The following GREB1 variants were observed in gnomAD, a reference collection of about 807,000 sequenced individuals.
GREB1 encodes the protein growth regulating estrogen receptor binding 1, also known as protein GREB1.
A neutral mutation model predicts 200.7 loss-of-function variants in GREB1; 106 were observed. The ratio of observed to expected loss-of-function variants is 0.53; its 90% CI spans 0.45 to 0.62. GREB1 has a LOEUF of 0.62. Ranked by LOEUF, GREB1 falls within the 20% of genes least tolerant of loss-of-function variation. The pLI is 0.00. For synonymous variants in GREB1, 1,132 were observed against 1,092.4 expected, an observed-to-expected ratio of 1.04 and a Z score of -0.72; for missense variants, 2,243 against 2,556.8, an observed-to-expected ratio of 0.88 and a Z score of 2.65.
At chr2:11,557,621 G>A (rs1368467008) in intron 2 of GREB1, among the ~76,000 whole-genome samples, 8 of 152,220 alleles carry the variant, frequency 5.3e-5, no homozygotes, top group Admixed American at 5.2e-4. Flanking sequence ...GTGTGGAGGT[G>A]CTTGTCTTCA....
At chr2:11,531,505 AC>A (rs1227451925), upstream of GREB1, among the ~76,000 whole-genome samples, 7 of 152,224 alleles carry the variant, frequency 4.6e-5, no homozygotes, top group African/African-American at 1.7e-4. Flanking sequence ...ATGATTAGAA[AC>A]AAGAAAAAAA....
At chr2:11,501,980 G>A (rs1420041191) in intron 1 of GREB1, among the ~76,000 whole-genome samples, 8 of 126,910 alleles carry the variant, frequency 6.3e-5, no homozygotes, top group South Asian at 2.7e-4. Context: ...GCAATGGTGC[G>A]ATCTCGGCTC....
chr2:11,558,939 T>G (rs912990734), intron 2 of GREB1, among the ~76,000 whole-genome samples: 5 of 152,164 alleles, frequency 3.3e-5, no homozygotes, highest in Non-Finnish European at 1.5e-5. Context: ...TACCACCTCC[T>G]TTAGGGGAAA....
intron 1 of GREB1, among the ~76,000 whole-genome samples, chr2:11,490,610 G>A (rs140142789): frequency 0.01 from 1,590 of 152,268 alleles, 27 homozygotes; most frequent in African/African-American, 0.037. Flanking sequence ...GTGCAGTGGT[G>A]CCATCTCAGC....
Position 11,612,507 on chromosome 2 carries a change from A to C in GREB1, c.3019A>C (p.Ile1007Leu). The change falls in exon 19 of 33, where the codon ATT becomes CTT. Residue 1007 changes from isoleucine to leucine, a missense_variant. This residue lies in a region of GREB1 where 1,178 missense variants were observed against 1,387.4 expected (regional missense o/e 0.85). Transcript: ENST00000381486. ...TCGTTATCTGCAGATGTGGCAGAAA[A>C]TTGAGGATGTGGAGTGGAGACCCCA... Reference protein sequence around the residue: ...FVKQLRMWQKIEDVEWRPQTY... With the variant: ...FVKQLRMWQKLEDVEWRPQTY... 3 of 1,610,270 alleles carry C rather than the reference A, an allele frequency of 1.9e-6. No individual in the cohort carries two copies. Among genetic ancestry groups the C allele is most frequent in the Non-Finnish European group, 2.5e-6 (3 of 1,176,868 alleles).
intron 31 of GREB1, among the ~76,000 whole-genome samples, chr2:11,638,226 TG>T (rs1463938377): frequency 9.2e-5 from 14 of 152,210 alleles, no homozygotes; most frequent in Non-Finnish European, 1.9e-4. Context: ...CTGCAGTCTC[TG>T]CCTCCTGGGT....
intron 1 of GREB1, among the ~76,000 whole-genome samples, chr2:11,554,966 A>G (rs1180315490): frequency 6.6e-6 from 1 of 152,214 alleles, no homozygotes; most frequent in African/African-American, 2.4e-5. Flanking sequence ...TGTATAATTA[A>G]CGGATCAAAG....
intron 3 of GREB1, among the ~76,000 whole-genome samples, chr2:11,563,375 G>A (rs1176951289): frequency 6.6e-6 from 1 of 152,256 alleles, no homozygotes; most frequent in South Asian, 2.1e-4. Flanking sequence ...TCACTGTTGA[G>A]GAACAGAGGC....
intron 18 of GREB1, 99 bp from the exon 19 acceptor site, chr2:11,612,396 G>T: frequency 6.7e-7 from 1 of 1,487,222 alleles, no homozygotes; most frequent in Non-Finnish European, 9.0e-7. Context: ...TATAGTTCAA[G>T]GAGTTTAAAT....
chr2:11,623,628 C>A (rs200897735), intron 23 of GREB1, among the ~76,000 whole-genome samples: 2 of 152,194 alleles, frequency 1.3e-5, no homozygotes, highest in Admixed American at 1.3e-4. Context: ...TGGTGGCTCA[C>A]GCCTGTAATC....
rs1206031514 is a variant in GREB1, at chr2:11,631,996, G to A, written c.4699G>A (p.Gly1567Ser). The change falls in exon 27 of 33, where the codon GGT becomes AGT. Residue 1567 changes from glycine (G) to serine (S), a missense_variant. This residue lies in a region of GREB1 where 478 missense variants were observed against 616.3 expected (regional missense o/e 0.78). Transcript: ENST00000381486. ...CTTTAATCTGTACCACGCAATGGAC[G>A]GTGCCAGCCATTTGCACGTGCTGGT... ...GLFNLYHAMD[G>S]ASHLHVLVVK... The A allele has an allele frequency of 3.7e-6, 6 of 1,613,742 alleles. No homozygotes were observed. The highest frequency in any genetic ancestry group is 5.1e-6 in the Non-Finnish European group (6 of 1,179,676).
chr2:11,640,415 AGACCGGCCGCTCTTTTTTCTGACGGGAC>A lies in GREB1; in HGVS notation c.5815_5842del (p.Arg1939ThrfsTer67). The A allele has an allele frequency of 6.2e-7, 1 of 1,614,228 alleles. No homozygotes were observed. Among genetic ancestry groups the A allele is most frequent in the East Asian group, 2.2e-5 (1 of 44,890 alleles). ...AGTTCCAGACCGCCAATGCCAGGGA[AGACCGGCCGCTCTTTTTTCTGACGGGAC>A]GACACATCTGAGGAAGACAGCGGCG... On this transcript the variant is annotated frameshift_variant, in exon 33 of 33. Transcript: ENST00000381486. LOFTEE classifies it high-confidence loss of function. This position sits in a 1 kb window ranked among gnomAD's most constrained non-coding sequence, Gnocchi z 4.6.
At chr2:11,605,935 A>C (rs1682243051) in intron 17 of GREB1, among the ~76,000 whole-genome samples, 1 of 152,260 alleles carries the variant, frequency 6.6e-6, no homozygotes, top group African/African-American at 2.4e-5. Flanking sequence ...CTTTGTATAG[A>C]CATATACTTT....
rs769466208 is a variant in GREB1, at chr2:11,562,506, A to G, written c.201A>G (p.Glu67=). 1 of 1,608,950 alleles carries G rather than the reference A, an allele frequency of 6.2e-7. No homozygotes were observed. Among genetic ancestry groups the G allele is most frequent in the Non-Finnish European group, 8.5e-7 (1 of 1,177,654 alleles). ...VDNEEEEEEG[E]GGLETNGPPN... ...ATGAGGAAGAGGAAGAAGAGGGAGA[A>G]GGAGGGCTGGAAACAAATGGCCCCC... is the stretch of plus-strand genomic sequence containing the variant. Residue 67 remains glutamate, a synonymous_variant, in exon 3 of 33, where the codon GAA becomes GAG. Coordinates refer to ENST00000381486, the MANE Select transcript of GREB1 (RefSeq NM_014668.4).
rs756930091 is a variant in GREB1 at position 11,634,190 on chromosome 2, C to T, written c.5051C>T (p.Ala1684Val). 9 of 1,614,202 alleles carry T rather than the reference C, an allele frequency of 5.6e-6. No individual in the cohort carries two copies. Among genetic ancestry groups the T allele is most frequent in the South Asian group, 5.5e-5 (5 of 91,086 alleles). The change falls in exon 29 of 33, where the codon GCG becomes GTG. Residue 1684 changes from alanine (A) to valine (V), a missense_variant. Physicochemically the swap from Ala to Val is moderately conservative, Grantham distance 64. Coordinates refer to ENST00000381486, the MANE Select transcript of GREB1 (RefSeq NM_014668.4). ...AAGCACATCATGCAGCACATCGAGG[C>T]GGCCCCCGACATCATGCACTACGCC... ...SLKHIMQHIE[A>V]APDIMHYALL...
rs542710965 is a variant in GREB1 at position 11,634,200 on chromosome 2, C to T, written c.5061C>T (p.Asp1687=). The T allele has an allele frequency of 2.5e-6, 4 of 1,614,222 alleles. No homozygotes were observed. The highest frequency in any genetic ancestry group is 3.4e-6 in the Non-Finnish European group (4 of 1,180,024). Residue 1687 remains aspartate, a synonymous_variant, in exon 29 of 33, where the codon GAC becomes GAT. Transcript: ENST00000381486. ...HIMQHIEAAP[D]IMHYALLGLR... ...TGCAGCACATCGAGGCGGCCCCCGA[C>T]ATCATGCACTACGCCCTGCTGGGCC...
intron 1 of GREB1, among the ~76,000 whole-genome samples, chr2:11,506,713 T>C (rs1213199549): frequency 3.3e-5 from 5 of 152,134 alleles, no homozygotes; most frequent in South Asian, 2.1e-4. Flanking sequence ...TCATGGAAGC[T>C]TGGGGAGGCT....
intron 3 of GREB1, 26 bp from the exon 4 acceptor site, chr2:11,566,454 G>A (rs577450569): frequency 2.0e-5 from 31 of 1,583,580 alleles, no homozygotes; most frequent in Middle Eastern, 2.2e-4. Context: ...CCTGGGCAGC[G>A]TGTGAACCCT....
chr2:11,552,980 A>AGTCTG, intron 1 of GREB1, among the ~76,000 whole-genome samples: 1 of 140,766 alleles, frequency 7.1e-6, no homozygotes, highest in Admixed American at 7.1e-5. Flanking sequence ...ACTGCACTCC[A>AGTCTG]GCCTGGGCGA....
Sources: allele counts gnomAD v4.1 joint callset (sites outside exome capture counted in the v4.1 genomes callset), GRCh38; gene constraint gnomAD v4.1.1; regional missense constraint gnomAD v4.1.1; non-coding constraint Gnocchi (gnomAD v3.1); transcripts MANE v1.5; gene names NCBI Gene and HGNC (gene_info 2026-07-23, HGNC 2026-07-21).